NSMAF: variants seen among roughly 807,000 people sequenced by gnomAD.
The protein encoded by NSMAF is neutral sphingomyelinase activation associated factor.
NSMAF carries 90 observed loss-of-function variants against 134.9 expected under a neutral mutation model. The observed-to-expected ratio is 0.67, with a 90% CI of 0.56 to 0.79. The LOEUF (loss-of-function observed/expected upper bound fraction) is 0.79, where lower values mean the gene tolerates loss of function less well. Among genes scored for constraint, NSMAF ranks in the 30% least tolerant of loss-of-function variants. The pLI, the probability that NSMAF is intolerant of heterozygous loss-of-function variation, is 0.00. For missense variants in NSMAF, 1,010 were observed against 1,119.0 expected (o/e 0.90, Z 1.39); for synonymous variants, 358 against 389.6 (o/e 0.92, Z 0.96).
intron 6 of NSMAF, among the ~76,000 whole-genome samples, chr8:58,624,035 A>ATTT (rs11431046): frequency 7.5e-3 from 747 of 99,032 alleles, no homozygotes; most frequent in Non-Finnish European, 8.8e-3. Context: ...TAGAGTTAGG[A>ATTT]TTTTTTTTTT....
At chr8:58,652,030 T>C (rs1394391012) in intron 1 of NSMAF, among the ~76,000 whole-genome samples, 1 of 152,126 alleles carries the variant, frequency 6.6e-6, no homozygotes, top group Non-Finnish European at 1.5e-5. Context: ...GTATTTAAAA[T>C]AGAAGCAGTA....
chr8:58,625,582 G>A (rs1473261714), intron 6 of NSMAF, among the ~76,000 whole-genome samples: 1 of 152,034 alleles, frequency 6.6e-6, no homozygotes, highest in Non-Finnish European at 1.5e-5. Flanking sequence ...AGCCTATCTT[G>A]TCTGATATAA....
chr8:58,611,601 C>T (rs545063027), intron 9 of NSMAF, among the ~76,000 whole-genome samples: 165 of 151,996 alleles, frequency 1.1e-3, no homozygotes, highest in South Asian at 5.8e-3. Context: ...AAGAACCAAA[C>T]GGAAATATAG....
chr8:58,592,219 T>G (rs1806035723), intron 23 of NSMAF, among the ~76,000 whole-genome samples: 3 of 152,208 alleles, frequency 2.0e-5, no homozygotes, highest in Non-Finnish European at 2.9e-5. Flanking sequence ...ACCAGTCGGT[T>G]CTATAAAGAT....
rs1425119455 is a variant in NSMAF at position 58,623,720 on chromosome 8, T to C, written c.445A>G (p.Thr149Ala). ...CAGCAAGTGCTTACCTGAAGCAACGTCTCCACAACATCTTCCACTTTCCCG... is the reference window on the plus strand; with the variant it reads ...CAGCAAGTGCTTACCTGAAGCAACGCCTCCACAACATCTTCCACTTTCCCG... The part of the protein sequence containing the change: ...VPGKVEDVVE[T>A]LLQLHRASCL... The change falls in exon 7 of 31, where the codon ACG becomes GCG. Residue 149 changes from threonine to alanine, a missense_variant. Thr to Ala is a moderately conservative substitution (Grantham distance 58). Coordinates refer to ENST00000038176, the MANE Select transcript of NSMAF (RefSeq NM_003580.4). 6.2e-7 allele frequency: 1 copy of C among 1,613,888 alleles called. No homozygotes were observed.
At chr8:58,597,838 C>T in intron 20 of NSMAF, 22 bp downstream of exon 20, 1 of 1,514,344 alleles carries the variant, frequency 6.6e-7, no homozygotes, top group Middle Eastern at 1.7e-4. Flanking sequence ...CAAGTAGAAA[C>T]TCCTTATTGA....
intron 11 of NSMAF, among the ~76,000 whole-genome samples, 157 bp from the exon 12 acceptor site, chr8:58,606,192 A>G (rs1212852339): frequency 6.6e-6 from 1 of 152,128 alleles, no homozygotes; most frequent in Non-Finnish European, 1.5e-5. Flanking sequence ...ACTCAGTGAT[A>G]TATATACACA....
At position 58,583,897 on chromosome 8, in the gene NSMAF, T is replaced by C. The variant is rs1251920634; in HGVS notation, c.*209A>G. The C allele has an allele frequency of 1.8e-6, 1 of 561,942 alleles. No homozygotes were observed. The highest frequency in any genetic ancestry group is 3.2e-6 in the Non-Finnish European group (1 of 314,492). The allele number at this position is 561,942 out of a possible 1,614,324, so 34.8% of individuals were successfully genotyped here. A position where few individuals can be genotyped will look rare whatever the true frequency, so the allele number is the denominator to read the frequency against. ...GCCTTACAGTGTAACATGTTTTTCC[T>C]AACACAGCCGCATTTTATCTGCCCT... is the stretch of plus-strand genomic sequence containing the variant. On this transcript the variant is annotated 3_prime_UTR_variant, in exon 31 of 31. Coordinates refer to ENST00000038176, the MANE Select transcript of NSMAF (RefSeq NM_003580.4).
intron 12 of NSMAF, among the ~76,000 whole-genome samples, chr8:58,604,345 G>T (rs1195373038): frequency 6.6e-6 from 1 of 151,748 alleles, no homozygotes; most frequent in African/African-American, 2.4e-5. Context: ...GAGATTTTAG[G>T]ACTCACCATG....
intron 10 of NSMAF, among the ~76,000 whole-genome samples, chr8:58,608,866 T>C (rs929860983): frequency 6.6e-6 from 1 of 152,194 alleles, no homozygotes; most frequent in African/African-American, 2.4e-5. Context: ...CTGGCAGAAT[T>C]CTTGGGCCCT....
At chr8:58,633,897 T>C (rs1355512301) in intron 5 of NSMAF, among the ~76,000 whole-genome samples, 2 of 152,190 alleles carry the variant, frequency 1.3e-5, no homozygotes, top group African/African-American at 4.8e-5. Context: ...ACCTCTTCTA[T>C]AAACTATTAA....
rs1806235021 is a variant in NSMAF, at chr8:58,599,846, C to G, written c.1357G>C (p.Asp453His). 1 of 1,614,106 alleles carries G rather than the reference C, an allele frequency of 6.2e-7. No homozygotes were observed. The highest frequency in any genetic ancestry group is 1.3e-5 in the African/African-American group (1 of 75,032). Residue 453 changes from aspartate to histidine, a missense_variant, in exon 18 of 31, where the codon GAT (aspartate) becomes CAT (histidine). Asp to His is a moderately conservative substitution (Grantham distance 81, BLOSUM62 -1). Coordinates refer to ENST00000038176, the MANE Select transcript of NSMAF (RefSeq NM_003580.4). ...AGGCTATTGACTAGAAAGCTCACAT[C>G]ATCACCATAGAATTCTGGAATTAAC... ...KELIPEFYGDDVSFLVNSLKL... is the reference protein window; with the variant it reads ...KELIPEFYGDHVSFLVNSLKL...
At chr8:58,603,038 T>C (rs564406748) in intron 13 of NSMAF, among the ~76,000 whole-genome samples, 172 bp downstream of exon 13, 5 of 152,334 alleles carry the variant, frequency 3.3e-5, no homozygotes, top group Admixed American at 1.3e-4. Context: ...GTAACACTTA[T>C]ATAGTATCCT....
intron 9 of NSMAF, among the ~76,000 whole-genome samples, chr8:58,616,056 A>T (rs1201783310): frequency 6.6e-6 from 1 of 152,200 alleles, no homozygotes; most frequent in African/African-American, 2.4e-5. Flanking sequence ...TGAAATGGAC[A>T]ATTTATTTGA....
In NSMAF at chr8:58,641,256, A is replaced by C. The variant is rs928331487; in HGVS notation, c.149+1728T>G. ...TTTTTAAATTTAATTCTATATTAAA[A>C]ATCTACAAAAGATGCCCTCTCAGCC... is the stretch of plus-strand genomic sequence containing the variant. On this transcript the variant is annotated intron_variant, in intron 2 of 30. Coordinates refer to ENST00000038176, the MANE Select transcript of NSMAF (RefSeq NM_003580.4). 6.6e-5 allele frequency among the ~76,000 whole-genome samples: 10 copies of C among 152,326 alleles called. No homozygotes were observed. In the East Asian group the frequency reaches 1.9e-3, roughly 29 times the overall value.
chr8:58,589,861 C>G (rs556435985), intron 25 of NSMAF, 146 bp downstream of exon 25: 2 of 654,356 alleles, frequency 3.1e-6, no homozygotes, highest in African/African-American at 3.7e-5. Context: ...CAAATCCAAC[C>G]ATACTGTCCT....
chr8:58,645,900 G>A (rs532240812), intron 1 of NSMAF, among the ~76,000 whole-genome samples: 57 of 152,230 alleles, frequency 3.7e-4, no homozygotes, highest in Non-Finnish European at 6.8e-4. Context: ...AATTAGCCAG[G>A]CGTGGTGGCG....
intron 1 of NSMAF, among the ~76,000 whole-genome samples, chr8:58,657,815 T>C (rs1412315028): frequency 6.6e-6 from 1 of 152,258 alleles, no homozygotes; most frequent in Non-Finnish European, 1.5e-5. Flanking sequence ...TGATGCCTCC[T>C]GACTGGATAG....
chr8:58,586,630 T>C (rs1195750614), intron 27 of NSMAF, 22 bp from the exon 28 acceptor site: 2 of 1,584,820 alleles, frequency 1.3e-6, no homozygotes, highest in Admixed American at 1.7e-5. Flanking sequence ...AACACATTGA[T>C]ACATATTCCA....
Sources: gnomAD v4.1 joint callset for allele counts (sites outside exome capture counted in the v4.1 genomes callset) on GRCh38, gnomAD v4.1.1 for gene constraint, MANE v1.5 for transcripts, NCBI Gene and HGNC (gene_info 2026-07-23, HGNC 2026-07-21) for gene names.